The following C8orf34 variants were observed in gnomAD, a reference collection of about 807,000 sequenced individuals.
C8orf34 encodes chromosome 8 open reading frame 34.
A neutral mutation model predicts 68.3 loss-of-function variants in C8orf34; 65 were observed. That is an observed-to-expected ratio of 0.95 (90% CI 0.78 to 1.17). C8orf34 has a LOEUF of 1.17. C8orf34 is among the 50% of genes most tolerant of loss of function. The pLI is 0.00. For missense variants in C8orf34, 664 were observed against 655.4 expected, an observed-to-expected ratio of 1.01 and a Z score of -0.14; for synonymous variants, 244 against 241.2, an observed-to-expected ratio of 1.01 and a Z score of -0.11.
chr8:68,340,939 A>T (rs77077226), intron 1 of C8orf34, among the ~76,000 whole-genome samples: 3,448 of 151,986 alleles, frequency 0.023, 51 homozygotes, highest in Non-Finnish European at 0.036. Flanking sequence ...TAAAAAAACA[A>T]CAAACAAACT....
At chr8:68,487,539 G>GA (rs892012309) in intron 4 of C8orf34, among the ~76,000 whole-genome samples, 1 of 152,162 alleles carries the variant, frequency 6.6e-6, no homozygotes, top group African/African-American at 2.4e-5. Context: ...GGGACTGTGG[G>GA]AAAATTCCTT....
intron 7 of C8orf34, among the ~76,000 whole-genome samples, chr8:68,615,450 T>G (rs1357994689): frequency 6.6e-6 from 1 of 151,550 alleles, no homozygotes; most frequent in Non-Finnish European, 1.5e-5. Flanking sequence ...TCTTGTTATT[T>G]TGAGATACGT....
chr8:68,726,019 A>C (rs887195977), intron 10 of C8orf34, among the ~76,000 whole-genome samples: 1 of 151,812 alleles, frequency 6.6e-6, no homozygotes. Context: ...AGCAATTCTC[A>C]TGGCTCTGGC....
chr8:68,488,670 C>T (rs774534934), intron 5 of C8orf34, among the ~76,000 whole-genome samples: 1 of 152,084 alleles, frequency 6.6e-6, no homozygotes, highest in African/African-American at 2.4e-5. Flanking sequence ...GTACTGCTTA[C>T]TAAAATTAGA....
intron 1 of C8orf34, among the ~76,000 whole-genome samples, chr8:68,426,542 GAAAA>G (rs1392210478): frequency 9.7e-5 from 9 of 92,626 alleles, no homozygotes; most frequent in Non-Finnish European, 2.2e-5. Flanking sequence ...AAAAAAAAAA[GAAAA>G]CAGAAAAAAA....
intron 7 of C8orf34, among the ~76,000 whole-genome samples, chr8:68,559,107 A>G (rs971571973): frequency 6.6e-6 from 1 of 152,152 alleles, no homozygotes; most frequent in Non-Finnish European, 1.5e-5. Flanking sequence ...GTAAGATCAT[A>G]TTTACATTTT....
At chr8:68,585,502 TATG>T (rs913354350) in intron 7 of C8orf34, among the ~76,000 whole-genome samples, 3 of 152,164 alleles carry the variant, frequency 2.0e-5, no homozygotes, top group Admixed American at 6.5e-5. Context: ...TGCTGTCACT[TATG>T]ATATTAGTTA....
chr8:68,334,804 A>G (rs1025407291), intron 1 of C8orf34, among the ~76,000 whole-genome samples: 1 of 152,312 alleles, frequency 6.6e-6, no homozygotes, highest in East Asian at 1.9e-4. Flanking sequence ...GTAAATTTGC[A>G]TTAACTGATT....
At chr8:68,351,136 T>C (rs1217010491) in intron 1 of C8orf34, among the ~76,000 whole-genome samples, 1 of 152,066 alleles carries the variant, frequency 6.6e-6, no homozygotes, top group Non-Finnish European at 1.5e-5. Flanking sequence ...TTTCAAGGTC[T>C]CTTGTAAGGC....
rs1160845483 is a variant in C8orf34, at chr8:68,567,577, C to CTTT, written c.1105+34461_1105+34463dup. On this transcript the variant is annotated intron_variant, in intron 7 of 13. Coordinates refer to ENST00000518698, the MANE Select transcript of C8orf34 (RefSeq NM_052958.4). ...TCTTTTCAAATTTTGTTTCATTTAT[C>CTTT]TTTTTTTTTTTTTTTTTTTTTTTTT... Among the ~76,000 whole-genome samples the CTTT allele has an allele frequency of 8.4e-3, 250 of 29,822 alleles. 47 individuals are homozygous for CTTT. Among genetic ancestry groups the CTTT allele is most frequent in the Middle Eastern group, 0.036 (1 of 28 alleles). 19.6% of individuals were successfully genotyped at this position (29,822 alleles called of 152,430 possible). A position where few individuals can be genotyped will look rare whatever the true frequency, so the allele number is the denominator to read the frequency against.
intron 1 of C8orf34, among the ~76,000 whole-genome samples, chr8:68,426,116 T>C (rs980118413): frequency 6.6e-6 from 1 of 152,160 alleles, no homozygotes; most frequent in Non-Finnish European, 1.5e-5. Context: ...GAAGATGACA[T>C]ATCTTCATAT....
At chr8:68,488,973 T>A (rs796167467) in intron 5 of C8orf34, among the ~76,000 whole-genome samples, 5 of 142,464 alleles carry the variant, frequency 3.5e-5, no homozygotes, top group African/African-American at 1.3e-4. Context: ...AAATTTAAAC[T>A]GATAACGAAT....
chr8:68,676,820 A>C (rs1390333917), intron 8 of C8orf34, among the ~76,000 whole-genome samples: 1 of 152,228 alleles, frequency 6.6e-6, no homozygotes. Context: ...CGTGGCTGAG[A>C]GGCCTCATAA....
intron 7 of C8orf34, among the ~76,000 whole-genome samples, chr8:68,634,703 A>T (rs1818786210): frequency 6.6e-6 from 1 of 152,180 alleles, no homozygotes; most frequent in African/African-American, 2.4e-5. Context: ...GACCAAACCA[A>T]ATTTTTTATG....
At chr8:68,812,740 GAATA>G (rs1396340981) in intron 12 of C8orf34, among the ~76,000 whole-genome samples, 1 of 152,034 alleles carries the variant, frequency 6.6e-6, no homozygotes, top group African/African-American at 2.4e-5. Flanking sequence ...CTTCATGAAT[GAATA>G]AATGAATAAA....
chr8:68,547,002 A>G (rs1190795948), intron 7 of C8orf34, among the ~76,000 whole-genome samples: 1 of 151,792 alleles, frequency 6.6e-6, no homozygotes, highest in Non-Finnish European at 1.5e-5. Context: ...CCTATCTTAA[A>G]AAGCTAGAAA....
At chr8:68,568,599 C>T (rs1248764147) in intron 7 of C8orf34, among the ~76,000 whole-genome samples, 1 of 151,074 alleles carries the variant, frequency 6.6e-6, no homozygotes, top group Non-Finnish European at 1.5e-5. Flanking sequence ...AAATAAAGCA[C>T]AATAAAGTAA....
intron 8 of C8orf34, among the ~76,000 whole-genome samples, chr8:68,682,675 A>AT (rs1820405036): frequency 1.3e-5 from 2 of 152,272 alleles, no homozygotes; most frequent in Non-Finnish European, 2.9e-5. Context: ...TCCTAAAGTT[A>AT]TATTTCAGAG....
intron 1 of C8orf34, among the ~76,000 whole-genome samples, chr8:68,389,184 A>G (rs763160789): frequency 6.6e-6 from 1 of 152,138 alleles, no homozygotes; most frequent in Non-Finnish European, 1.5e-5. Flanking sequence ...TATTGTCCTC[A>G]TGGAGCCTGT....
Sources: allele counts gnomAD v4.1 joint callset (sites outside exome capture counted in the v4.1 genomes callset), GRCh38; gene constraint gnomAD v4.1.1; transcripts MANE v1.5; gene names NCBI Gene and HGNC (gene_info 2026-07-23, HGNC 2026-07-21).